Variants in GJB3 observed in about 807,000 individuals in gnomAD.
The protein encoded by GJB3 is gap junction beta-3 protein.
GJB3 carries 6 observed loss-of-function variants against 8.1 expected under a neutral mutation model. The observed-to-expected ratio is 0.75, with a 90% confidence interval of 0.41 to 1.47. The LOEUF (loss-of-function observed/expected upper bound fraction) is 1.47, where lower values mean the gene tolerates loss of function less well. Ranked by LOEUF, GJB3 falls within the 40% of genes most tolerant of loss-of-function variation. The probability of loss-of-function intolerance (pLI) is 0.02; values close to 1 mark genes in which losing one functional copy is unlikely to be tolerated. For missense variants in GJB3, 348 were observed against 365.6 expected, an observed-to-expected ratio of 0.95 and a Z score of 0.39; for synonymous variants, 137 against 156.4, an observed-to-expected ratio of 0.88 and a Z score of 0.93.
chr1:34,784,647 G>A, intron 1 of GJB3, 91 bp from the exon 2 acceptor site: 1 of 857,932 alleles, frequency 1.2e-6, no homozygotes, highest in South Asian at 1.4e-5. Context: ...TATTGAACAA[G>A]TCAGAACTCA....
In GJB3 at chr1:34,784,846, G is replaced by A. The variant is rs763788806; in HGVS notation, c.84G>A (p.Val28=). ...TAFGRIWLSV[V]FVFRVLVYVV... is the part of the protein sequence containing the mutation. The stretch of plus-strand genomic sequence containing the variant: ...TCGGGCGCATCTGGCTGTCCGTGGT[G>A]TTCGTCTTCCGGGTGCTGGTATACG... The change falls in exon 2 of 2, where the codon GTG becomes GTA. Residue 28 remains valine (V), a synonymous_variant. Transcript: ENST00000373366. 1.2e-6 allele frequency: 2 copies of A among 1,614,242 alleles called. No individual in the cohort carries two copies. Among genetic ancestry groups the A allele is most frequent in the Non-Finnish European group, 1.7e-6 (2 of 1,180,046 alleles).
chr1:34,784,830 T>A lies in GJB3; in HGVS notation c.68T>A (p.Ile23Asn). 6.2e-7 allele frequency: 1 copy of A among 1,614,234 alleles called. No homozygotes were observed. Among genetic ancestry groups the A allele is most frequent in the Non-Finnish European group, 8.5e-7 (1 of 1,180,036 alleles). ...VNKYSTAFGR[I>N]WLSVVFVFRV... Reference sequence around the variant, plus strand: ...AAGTACTCCACAGCGTTCGGGCGCATCTGGCTGTCCGTGGTGTTCGTCTTC... The same window carrying A: ...AAGTACTCCACAGCGTTCGGGCGCAACTGGCTGTCCGTGGTGTTCGTCTTC... Residue 23 changes from isoleucine (I) to asparagine (N), a missense_variant, in exon 2 of 2, where the codon ATC becomes AAC. By Grantham distance (149) the Ile-to-Asn change is moderately radical. Transcript: ENST00000373366.
chr1:34,784,941 G>A lies in GJB3; in HGVS notation c.179G>A (p.Cys60Tyr). 6.2e-7 allele frequency: 1 copy of A among 1,614,172 alleles called. No homozygotes were observed. Among genetic ancestry groups the A allele is most frequent in the Non-Finnish European group, 8.5e-7 (1 of 1,180,026 alleles). ...DFDCNTKQPG[C>Y]TNVCYDNYFP... ...GACTGCAACACCAAGCAGCCCGGCT[G>A]CACCAACGTCTGCTACGACAACTAC... The change falls in exon 2 of 2, where the codon TGC becomes TAC. Residue 60 changes from cysteine to tyrosine, a missense_variant. Cys to Tyr is a radical substitution (Grantham distance 194). Coordinates refer to ENST00000373366, the MANE Select transcript of GJB3 (RefSeq NM_024009.3).
Position 34,785,134 on chromosome 1 carries a change from C to G in GJB3, c.372C>G (p.His124Gln). 1 of 1,614,164 alleles carries G rather than the reference C, an allele frequency of 6.2e-7. No individual in the cohort carries two copies. Among genetic ancestry groups the G allele is most frequent in the Non-Finnish European group, 8.5e-7 (1 of 1,180,032 alleles). The change falls in exon 2 of 2, where the codon CAC becomes CAG. Residue 124 changes from histidine to glutamine, a missense_variant. Physicochemically the swap from His to Gln is conservative, Grantham distance 24. Coordinates refer to ENST00000373366, the MANE Select transcript of GJB3 (RefSeq NM_024009.3). The surrounding 1 kb of genome is among the most constrained non-coding windows in gnomAD (Gnocchi z 4.7). ...AKLYDNAGKK[H>Q]GGLWWTYLFS... ...TGTACGACAACGCAGGCAAGAAGCA[C>G]GGAGGCCTGTGGTGGACCTACCTGT...
In GJB3 at chr1:34,785,101, C is replaced by T. The variant is rs376459246; in HGVS notation, c.339C>T (p.Cys113=). ...ACCGCCAGAAACACGGGGACCAGTGCGCCAAGCTGTACGACAACGCAGGCA... is the reference window on the plus strand; with the variant it reads ...ACCGCCAGAAACACGGGGACCAGTGTGCCAAGCTGTACGACAACGCAGGCA... ...RRHRQKHGDQ[C]AKLYDNAGKK... The change falls in exon 2 of 2, where the codon TGC becomes TGT. Residue 113 remains cysteine, a synonymous_variant. Coordinates refer to ENST00000373366, the MANE Select transcript of GJB3 (RefSeq NM_024009.3). The surrounding 1 kb of genome is among the most constrained non-coding windows in gnomAD (Gnocchi z 4.7). The T allele has an allele frequency of 2.0e-5, 32 of 1,613,962 alleles. No homozygotes were observed. Among genetic ancestry groups the T allele is most frequent in the African/African-American group, 9.3e-5 (7 of 74,918 alleles).
rs762735971 is a variant in GJB3, at chr1:34,784,981, C to A, written c.219C>A (p.Asn73Lys). Residue 73 changes from asparagine to lysine, a missense_variant, in exon 2 of 2, where the codon AAC (asparagine) becomes AAA (lysine). Physicochemically the swap from Asn to Lys is moderately conservative, Grantham distance 94. Transcript: ENST00000373366. The part of the protein sequence containing the change: ...VCYDNYFPIS[N>K]IRLWALQLIF... ...ACGACAACTACTTCCCCATCTCCAA[C>A]ATCCGCCTCTGGGCCCTGCAGCTCA... 88 of 1,614,126 alleles carry A rather than the reference C, an allele frequency of 5.5e-5. No individual in the cohort carries two copies. The highest frequency in any genetic ancestry group is 6.8e-5 in the Non-Finnish European group (80 of 1,180,046).
rs1003430730 is a variant in GJB3, at chr1:34,781,330, CA to C, written c.-473del. On this transcript the variant is annotated 5_prime_UTR_variant, in exon 1 of 2. Transcript: ENST00000373366. The surrounding 1 kb of genome is among the most constrained non-coding windows in gnomAD (Gnocchi z 6.2). ...CCGTCGCACCGGGAGGGGGGGCTCCCAGGGGTGCCCCACGCACGGTCAAGGT... is the reference window on the plus strand; with the variant it reads ...CCGTCGCACCGGGAGGGGGGGCTCCCGGGGTGCCCCACGCACGGTCAAGGT... 1 of 152,216 alleles carries C rather than the reference CA, an allele frequency of 6.6e-6. No individual in the cohort carries two copies. The highest frequency in any genetic ancestry group is 1.5e-5 in the Non-Finnish European group (1 of 68,046). The allele number at this position is 152,216 out of a possible 1,614,324, so 9.4% of individuals were successfully genotyped here.
intron 1 of GJB3, among the ~76,000 whole-genome samples, chr1:34,783,133 A>C (rs1640040025): frequency 6.6e-6 from 1 of 152,222 alleles, no homozygotes. Context: ...CTGTGGTCCC[A>C]GCTACGTGGG....
Position 34,785,100 on chromosome 1 carries a change from G to A in GJB3, c.338G>A (p.Cys113Tyr), listed in dbSNP as rs772085753. Reference protein sequence around the residue: ...RRHRQKHGDQCAKLYDNAGKK... With the variant: ...RRHRQKHGDQYAKLYDNAGKK... The stretch of plus-strand genomic sequence containing the variant: ...CACCGCCAGAAACACGGGGACCAGT[G>A]CGCCAAGCTGTACGACAACGCAGGC... Residue 113 changes from cysteine (C) to tyrosine (Y), a missense_variant, in exon 2 of 2, where the codon TGC becomes TAC. Coordinates refer to ENST00000373366, the MANE Select transcript of GJB3 (RefSeq NM_024009.3). This position sits in a 1 kb window ranked among gnomAD's most constrained non-coding sequence, Gnocchi z 4.7. 6.2e-7 allele frequency: 1 copy of A among 1,613,950 alleles called. No homozygotes were observed. The highest frequency in any genetic ancestry group is 1.3e-5 in the African/African-American group (1 of 74,918).
chr1:34,783,183 G>A (rs1640041892), intron 1 of GJB3, among the ~76,000 whole-genome samples: 1 of 152,144 alleles, frequency 6.6e-6, no homozygotes, highest in African/African-American at 2.4e-5. Flanking sequence ...GGGAAGCAGA[G>A]GTTGCAGTGA....
chr1:34,785,568 C>G lies in GJB3; in HGVS notation c.806C>G (p.Pro269Arg). Residue 269 changes from proline to arginine, a missense_variant, in exon 2 of 2, where the codon CCC becomes CGC. Transcript: ENST00000373366. This position sits in a 1 kb window ranked among gnomAD's most constrained non-coding sequence, Gnocchi z 4.7. ...KLQASAPNLTPI is the reference protein window; with the variant it reads ...KLQASAPNLTRI ...CAGGCTTCAGCACCCAACCTGACCC[C>G]CATCTGACCACAGGGCAGGGGTGGG... 6.2e-7 allele frequency: 1 copy of G among 1,613,632 alleles called. No individual in the cohort carries two copies. The highest frequency in any genetic ancestry group is 1.1e-5 in the South Asian group (1 of 91,054).
intron 1 of GJB3, among the ~76,000 whole-genome samples, chr1:34,783,967 C>T (rs960133009): frequency 1.3e-5 from 2 of 152,168 alleles, no homozygotes; most frequent in South Asian, 2.1e-4. Context: ...AGTGTCCTCC[C>T]AGGAGTCAGA....
At position 34,785,057 on chromosome 1, in the gene GJB3, G is replaced by C. The variant is rs771889003; in HGVS notation, c.295G>C (p.Glu99Gln). ...GGTCATCCTGCACGTGGCCTACCGT[G>C]AGGAGCGGGAGCGCCGGCACCGCCA... ...LLVILHVAYR[E>Q]ERERRHRQKH... is the part of the protein sequence containing the mutation. The change falls in exon 2 of 2, where the codon GAG (glutamate) becomes CAG (glutamine). Residue 99 changes from glutamate to glutamine, a missense_variant. Transcript: ENST00000373366. The surrounding 1 kb of genome is among the most constrained non-coding windows in gnomAD (Gnocchi z 4.7). 6.2e-7 allele frequency: 1 copy of C among 1,614,104 alleles called. No homozygotes were observed. Among genetic ancestry groups the C allele is most frequent in the Non-Finnish European group, 8.5e-7 (1 of 1,180,032 alleles).
In GJB3 at chr1:34,785,055, G is replaced by A. The variant is rs201314683; in HGVS notation, c.293G>A (p.Arg98His). Residue 98 changes from arginine to histidine, a missense_variant, in exon 2 of 2, where the codon CGT becomes CAT. Physicochemically the swap from Arg to His is conservative, Grantham distance 29. Transcript: ENST00000373366. This position sits in a 1 kb window ranked among gnomAD's most constrained non-coding sequence, Gnocchi z 4.7. ...CTGGTCATCCTGCACGTGGCCTACC[G>A]TGAGGAGCGGGAGCGCCGGCACCGC... ...SLLVILHVAY[R>H]EERERRHRQK... The A allele has an allele frequency of 5.5e-5, 89 of 1,614,096 alleles. No individual in the cohort carries two copies. Among genetic ancestry groups the A allele is most frequent in the Admixed American group, 2.3e-4 (14 of 60,024 alleles).
At chr1:34,782,403 G>C (rs1640025965) in intron 1 of GJB3, 1 of 152,144 alleles carries the variant, frequency 6.6e-6, no homozygotes. Flanking sequence ...GGACAGACAG[G>C]GCTCCAACCT....
At chr1:34,783,994 A>AC (rs1640056732) in intron 1 of GJB3, among the ~76,000 whole-genome samples, 1 of 151,720 alleles carries the variant, frequency 6.6e-6, no homozygotes, top group Non-Finnish European at 1.5e-5. Context: ...GGCTCCATGC[A>AC]CCCCCCACCT....
rs749654470 is a variant in GJB3 at position 34,784,823 on chromosome 1, G to A, written c.61G>A (p.Gly21Arg). Residue 21 changes from glycine (G) to arginine (R), a missense_variant, in exon 2 of 2, where the codon GGG becomes AGG. By Grantham distance (125) the Gly-to-Arg change is moderately radical. Coordinates refer to ENST00000373366, the MANE Select transcript of GJB3 (RefSeq NM_024009.3). ...TGTGAACAAGTACTCCACAGCGTTC[G>A]GGCGCATCTGGCTGTCCGTGGTGTT... Reference protein sequence around the residue: ...SGVNKYSTAFGRIWLSVVFVF... With the variant: ...SGVNKYSTAFRRIWLSVVFVF... The A allele has an allele frequency of 3.2e-5, 51 of 1,614,082 alleles. No homozygotes were observed. The highest frequency in any genetic ancestry group is 1.9e-4 in the South Asian group (17 of 91,084).
At chr1:34,782,735 G>A (rs765357689) in intron 1 of GJB3, among the ~76,000 whole-genome samples, 3 of 152,102 alleles carry the variant, frequency 2.0e-5, no homozygotes, top group Non-Finnish European at 4.4e-5. Flanking sequence ...GATTCCCAGA[G>A]GAAACGCAGC....
chr1:34,785,295 T>C lies in GJB3; in HGVS notation c.533T>C (p.Ile178Thr), dbSNP rs746083815. The C allele has an allele frequency of 3.1e-6, 5 of 1,613,108 alleles. No individual in the cohort carries two copies. The Admixed American group carries it at 8.3e-5, about 27-fold the overall frequency. The change falls in exon 2 of 2, where the codon ATT (isoleucine) becomes ACT (threonine). Residue 178 changes from isoleucine to threonine, a missense_variant. Transcript: ENST00000373366. The surrounding 1 kb of genome is among the most constrained non-coding windows in gnomAD (Gnocchi z 4.7). ...APCPNIVDCY[I>T]ARPTEKKIFT... ...TGCCCCAACATCGTGGACTGCTACA[T>C]TGCCCGACCTACCGAGAAGAAAATC...
Sources: gnomAD v4.1 joint callset for allele counts (sites outside exome capture counted in the v4.1 genomes callset) on GRCh38, gnomAD v4.1.1 for gene constraint, Gnocchi (gnomAD v3.1) non-coding constraint, MANE v1.5 for transcripts, NCBI Gene and HGNC (gene_info 2026-07-23, HGNC 2026-07-21) for gene names.